CDH3: variants seen among roughly 807,000 people sequenced by gnomAD.
CDH3 encodes cadherin 3.
In CDH3, 54 loss-of-function variants were observed where a neutral mutation model predicts 82.0. The ratio of observed to expected loss-of-function variants is 0.66; its 90% CI spans 0.53 to 0.83. The LOEUF is 0.83. Ranked by LOEUF, CDH3 falls within the 40% of genes least tolerant of loss-of-function variation. The pLI, the probability that CDH3 is intolerant of heterozygous loss-of-function variation, is 0.00. For missense variants in CDH3, 1,054 were observed against 1,084.6 expected, an observed-to-expected ratio of 0.97 and a Z score of 0.40; for synonymous variants, 446 against 437.9, an observed-to-expected ratio of 1.02 and a Z score of -0.23.
chr16:68,659,243 C>G (rs1021879548), intron 2 of CDH3, among the ~76,000 whole-genome samples: 1 of 152,086 alleles, frequency 6.6e-6, no homozygotes, highest in Non-Finnish European at 1.5e-5. Flanking sequence ...CCACTGAACT[C>G]TACTGCCTGT....
At chr16:68,702,945 T>C (rs1280629209), downstream of CDH3, among the ~76,000 whole-genome samples, 5 of 152,086 alleles carry the variant, frequency 3.3e-5, no homozygotes, top group Non-Finnish European at 4.4e-5. Flanking sequence ...TCCTCCCAGC[T>C]TGTATTCTTA....
chr16:68,680,192 C>A (rs1364707973), intron 7 of CDH3, among the ~76,000 whole-genome samples: 6 of 152,256 alleles, frequency 3.9e-5, no homozygotes, highest in Non-Finnish European at 8.8e-5. Flanking sequence ...TCCTCCAGGG[C>A]TGGGAGGCAG....
chr16:68,713,755 T>C (rs1439625634), intron 1 of CDH3, among the ~76,000 whole-genome samples: 1 of 152,086 alleles, frequency 6.6e-6, no homozygotes, highest in Non-Finnish European at 1.5e-5. Context: ...TCCTGCCCAC[T>C]GTCCCGCTCC....
At chr16:68,663,248 G>A (rs1467167843) in intron 2 of CDH3, among the ~76,000 whole-genome samples, 3 of 128,204 alleles carry the variant, frequency 2.3e-5, no homozygotes, top group South Asian at 2.6e-4. Flanking sequence ...TTTCTGAGAC[G>A]GAGTCTTGCT....
At chr16:68,672,413 C>T (rs1960911285) in intron 2 of CDH3, among the ~76,000 whole-genome samples, 1 of 151,972 alleles carries the variant, frequency 6.6e-6, no homozygotes, top group Non-Finnish European at 1.5e-5. Context: ...GGAGTAAGTG[C>T]CCCCATAGAT....
chr16:68,720,918 C>A (rs867932471), intron 1 of CDH3, among the ~76,000 whole-genome samples: 5 of 152,016 alleles, frequency 3.3e-5, no homozygotes, highest in Admixed American at 1.3e-4. Context: ...CCATGTCAGG[C>A]CTTTATTGAG....
chr16:68,691,007 C>T (rs1162073512), intron 12 of CDH3, among the ~76,000 whole-genome samples: 2 of 84,188 alleles, frequency 2.4e-5, no homozygotes, highest in Non-Finnish European at 4.9e-5. Context: ...TATTCCTTTA[C>T]TTTCTTTTTT....
At position 68,698,259 on chromosome 16, in the gene CDH3, G is replaced by A; in HGVS notation, c.2349G>A (p.Glu783=). Reference sequence around the variant, plus strand: ...ACACCCTCTTGGTGTTCGACTATGAGGGCAGCGGCTCCGACGCCGCGTCCC... The same window carrying A: ...ACACCCTCTTGGTGTTCGACTATGAAGGCAGCGGCTCCGACGCCGCGTCCC... ...PYDTLLVFDY[E]GSGSDAASLS... is the part of the protein sequence containing the mutation. Residue 783 remains glutamate (E), a synonymous_variant, in exon 16 of 16, where the codon GAG becomes GAA. Transcript: ENST00000264012. 1 of 1,614,206 alleles carries A rather than the reference G, an allele frequency of 6.2e-7. No homozygotes were observed. Among genetic ancestry groups the A allele is most frequent in the South Asian group, 1.1e-5 (1 of 91,084 alleles).
At chr16:68,701,744 G>C (rs1453920314), downstream of CDH3, among the ~76,000 whole-genome samples, 1 of 151,686 alleles carries the variant, frequency 6.6e-6, no homozygotes, top group Non-Finnish European at 1.5e-5. Context: ...AATATTTTTG[G>C]GCCGGGCGCG....
downstream of CDH3, among the ~76,000 whole-genome samples, chr16:68,703,016 A>T (rs1488640279): frequency 1.3e-5 from 2 of 152,294 alleles, no homozygotes; most frequent in East Asian, 3.9e-4. Context: ...CATTTTACAG[A>T]TGGAAAAAGA....
rs998190453 is a variant in CDH3, at chr16:68,707,974, C to T, written c.99+12051C>T. On this transcript the variant is annotated intron_variant, in intron 1 of 2. Coordinates refer to the CDH3 transcript ENST00000569080. The surrounding 1 kb of genome is among the most constrained non-coding windows in gnomAD (Gnocchi z 4.5). ...CTGACAGGGCAGGGCGCTGAGACCT[C>T]TGTGTGTCCTCCAGGAACCTGACGA... 1.8e-4 allele frequency among the ~76,000 whole-genome samples: 28 copies of T among 152,258 alleles called. No individual in the cohort carries two copies. The highest frequency in any genetic ancestry group is 6.3e-4 in the African/African-American group (26 of 41,552).
chr16:68,663,191 A>G (rs1231508405), intron 2 of CDH3, among the ~76,000 whole-genome samples: 2 of 148,494 alleles, frequency 1.3e-5, no homozygotes, highest in South Asian at 4.3e-4. Context: ...CCCAGGAACA[A>G]AGGCATATCA....
chr16:68,707,445 C>T lies in CDH3; in HGVS notation c.99+11522C>T, dbSNP rs1961978170. ...TCCTCCTCTGCTGTATCCTCAGTCC[C>T]TGAGGATGCGGCAGGGCCTGTCGGG... On this transcript the variant is annotated intron_variant, in intron 1 of 2. Coordinates refer to the CDH3 transcript ENST00000569080. This position sits in a 1 kb window ranked among gnomAD's most constrained non-coding sequence, Gnocchi z 4.5. 6.6e-6 allele frequency among the ~76,000 whole-genome samples: 1 copy of T among 152,216 alleles called. No homozygotes were observed. Among genetic ancestry groups the T allele is most frequent in the Non-Finnish European group, 1.5e-5 (1 of 68,032 alleles).
At position 68,691,920 on chromosome 16, in the gene CDH3, C is replaced by T. The variant is rs773865743; in HGVS notation, c.1996C>T (p.Leu666=). The stretch of plus-strand genomic sequence containing the variant: ...CCCTGTGCTGGGGGCTGTCCTGGCT[C>T]TGCTGTGTGAGTACCAGGCCCCCAC... The part of the protein sequence containing the change: ...ILPVLGAVLA[L]LFLLLVLLLL... The change falls in exon 13 of 16, where the codon CTG becomes TTG. Residue 666 remains leucine, a synonymous_variant. Transcript: ENST00000264012. 7.4e-6 allele frequency: 12 copies of T among 1,612,232 alleles called. No homozygotes were observed. In the East Asian group the frequency reaches 1.8e-4, roughly 24 times the overall value.
chr16:68,695,793 A>T lies in CDH3; in HGVS notation c.2150A>T (p.Gln717Leu), dbSNP rs1321942906. 2.5e-6 allele frequency: 4 copies of T among 1,614,076 alleles called. No homozygotes were observed. The highest frequency in any genetic ancestry group is 3.4e-6 in the Non-Finnish European group (4 of 1,180,008). Residue 717 changes from glutamine to leucine, a missense_variant, in exon 15 of 16, where the codon CAG (glutamine) becomes CTG (leucine). Coordinates refer to ENST00000264012, the MANE Select transcript of CDH3 (RefSeq NM_001793.6). ...GEEDQDYDIT[Q>L]LHRGLEARPE... ...TCCCCACAGGACTATGACATCACCC[A>T]GCTCCACCGAGGTCTGGAGGCCAGG... is the stretch of plus-strand genomic sequence containing the variant.
intron 2 of CDH3, among the ~76,000 whole-genome samples, chr16:68,673,157 TACATCACAGTGG>T (rs1960932603): frequency 6.6e-6 from 1 of 152,218 alleles, no homozygotes; most frequent in African/African-American, 2.4e-5. Flanking sequence ...GTTGGGTCTG[TACATCACAGTGG>T]ACTTTCTGGG....
chr16:68,708,593 GCTTTAT>G (rs1011737557), intron 1 of CDH3, among the ~76,000 whole-genome samples: 8 of 151,810 alleles, frequency 5.3e-5, no homozygotes, highest in African/African-American at 1.9e-4. Context: ...ACCCCCCAAT[GCTTTAT>G]CTTTTCTGTC....
chr16:68,687,756 T>G lies in CDH3; in HGVS notation c.1795+20T>G. ...AGGAAGGTACCTGAGTGAGTGGTGG[T>G]AGCGGGTGGGGTGCCAGCCCCACTG... On this transcript the variant is annotated intron_variant, in intron 12 of 15. Transcript: ENST00000264012. The G allele has an allele frequency of 5.0e-6, 8 of 1,585,208 alleles. No homozygotes were observed. The highest frequency in any genetic ancestry group is 6.1e-6 in the Non-Finnish European group (7 of 1,154,372).
In CDH3 at chr16:68,645,694, A is replaced by C; in HGVS notation, c.104A>C (p.Glu35Ala). Residue 35 changes from glutamate to alanine, a missense_variant, in exon 2 of 16, where the codon GAA (glutamate) becomes GCA (alanine). Transcript: ENST00000264012. ...EPCRAVFREAEVTLEAGGAEQ... is the reference protein window; with the variant it reads ...EPCRAVFREAAVTLEAGGAEQ... Reference sequence around the variant, plus strand: ...TGCCGGGCGGTCTTCAGGGAGGCTGAAGTGACCTTGGAGGCGGGAGGCGCG... The same window carrying C: ...TGCCGGGCGGTCTTCAGGGAGGCTGCAGTGACCTTGGAGGCGGGAGGCGCG... 6.5e-7 allele frequency: 1 copy of C among 1,546,368 alleles called. No individual in the cohort carries two copies. Among genetic ancestry groups the C allele is most frequent in the Non-Finnish European group, 8.7e-7 (1 of 1,146,658 alleles).
Sources: gnomAD v4.1 joint callset for allele counts (sites outside exome capture counted in the v4.1 genomes callset) on GRCh38, gnomAD v4.1.1 for gene constraint, Gnocchi (gnomAD v3.1) non-coding constraint, MANE v1.5 for transcripts, NCBI Gene and HGNC (gene_info 2026-07-23, HGNC 2026-07-21) for gene names.